GRSF1: variants seen among roughly 807,000 people sequenced by gnomAD.
GRSF1 encodes G-rich RNA sequence binding factor 1.
In GRSF1, 50 loss-of-function variants were observed where a neutral mutation model predicts 51.1. The ratio of observed to expected loss-of-function variants is 0.98; its 90% CI spans 0.78 to 1.24. The LOEUF is 1.24. Ranked by LOEUF, GRSF1 falls within the 50% of genes most tolerant of loss-of-function variation. GRSF1 has a pLI of 0.00. For missense variants in GRSF1, 700 were observed against 639.7 expected, an observed-to-expected ratio of 1.09 and a Z score of -1.02; for synonymous variants, 293 against 253.3, an observed-to-expected ratio of 1.16 and a Z score of -1.49.
rs564626396 is a variant in GRSF1, at chr4:70,821,478, C to T, written c.*26-617G>A. On this transcript the variant is annotated intron_variant, in intron 9 of 9. Coordinates refer to ENST00000254799, the MANE Select transcript of GRSF1 (RefSeq NM_002092.4). ...AAACTTAGCCGGGCATGGTGGCATA[C>T]GCCTGTAGCCCCAGCTACTTCATAG... Among the ~76,000 whole-genome samples, 555 of 151,852 alleles carry T rather than the reference C, an allele frequency of 3.7e-3. 3 individuals are homozygous for T. Among genetic ancestry groups the T allele is most frequent in the African/African-American group, 0.012 (506 of 41,442 alleles).
chr4:70,840,358 A>C (rs886406670), upstream of GRSF1, among the ~76,000 whole-genome samples: 2 of 152,070 alleles, frequency 1.3e-5, no homozygotes, highest in African/African-American at 4.8e-5. Flanking sequence ...ATTCGTAGTG[A>C]CTCATTCTTG....
At chr4:70,829,591 C>T (rs1455206315) in intron 5 of GRSF1, among the ~76,000 whole-genome samples, 1 of 152,112 alleles carries the variant, frequency 6.6e-6, no homozygotes, top group Admixed American at 6.6e-5. Flanking sequence ...GAGGCCACAA[C>T]TGCAGTGAGC....
chr4:70,833,667 A>G lies in GRSF1; in HGVS notation c.515-394T>C, dbSNP rs1280941902. 2.6e-5 allele frequency among the ~76,000 whole-genome samples: 4 copies of G among 152,194 alleles called. No individual in the cohort carries two copies. In the East Asian group the frequency reaches 7.7e-4, roughly 29 times the overall value. On this transcript the variant is annotated intron_variant, in intron 2 of 9. Coordinates refer to ENST00000254799, the MANE Select transcript of GRSF1 (RefSeq NM_002092.4). ...TCTCTAAAATATTTCCTGTATGAGT[A>G]ATTTTATTACCATAGTTTAACTTTT...
rs1222274788 is a variant in GRSF1 at position 70,832,214 on chromosome 4, C to T, written c.814+93G>A. On this transcript the variant is annotated intron_variant, in intron 4 of 9. Transcript: ENST00000254799. ...CTAAAGAACCTAATATAACTGCATG[C>T]CTTTGCCCAGAAACAGGCTCATCTA... is the stretch of plus-strand genomic sequence containing the variant. 18 of 956,860 alleles carry T rather than the reference C, an allele frequency of 1.9e-5. No individual in the cohort carries two copies. In the African/African-American group the frequency reaches 2.8e-4, roughly 15 times the overall value. 59.3% of individuals were successfully genotyped at this position (956,860 alleles called of 1,614,324 possible).
chr4:70,823,809 G>A lies in GRSF1; in HGVS notation c.*25+485C>T, dbSNP rs143863235. 1.5e-4 allele frequency among the ~76,000 whole-genome samples: 23 copies of A among 152,116 alleles called. No individual in the cohort carries two copies. In the East Asian group the frequency reaches 3.7e-3, roughly 24 times the overall value. On this transcript the variant is annotated intron_variant, in intron 9 of 9. Transcript: ENST00000254799. ...CACCTGAGCCCAGAAGGTTGAAGCT[G>A]CAGTGAGCTATGATCGCACCACTGC...
intron 9 of GRSF1, among the ~76,000 whole-genome samples, chr4:70,821,294 G>A (rs943853224): frequency 1.9e-4 from 29 of 151,994 alleles, no homozygotes; most frequent in South Asian, 6.2e-4. Flanking sequence ...GTGTGGTGGC[G>A]CATGCCTGTA....
In GRSF1 at chr4:70,834,741, C is replaced by A. The variant is rs1560601570; in HGVS notation, c.514+1417G>T. Reference sequence around the variant, plus strand: ...GATTCAAGCGATTCTCCTGCCTCAGCCTCCCAGGTAGCTGGGACTACGGGA... The same window carrying A: ...GATTCAAGCGATTCTCCTGCCTCAGACTCCCAGGTAGCTGGGACTACGGGA... On this transcript the variant is annotated intron_variant, in intron 2 of 9. Transcript: ENST00000254799. 2.0e-5 allele frequency among the ~76,000 whole-genome samples: 3 copies of A among 152,276 alleles called. No individual in the cohort carries two copies. The South Asian group carries it at 6.2e-4, about 32-fold the overall frequency.
intron 7 of GRSF1, 176 bp from the exon 8 acceptor site, chr4:70,825,607 A>C (rs1354305431): frequency 7.0e-6 from 3 of 429,124 alleles, no homozygotes; most frequent in Non-Finnish European, 1.2e-5. Context: ...CTGGCTTTTT[A>C]CTTTTTCTCA....
intron 1 of GRSF1, among the ~76,000 whole-genome samples, chr4:70,838,315 G>A (rs1276829597): frequency 6.6e-6 from 1 of 151,236 alleles, no homozygotes; most frequent in African/African-American, 2.4e-5. Flanking sequence ...TATCACCGCA[G>A]TCAATTTCAT....
At chr4:70,838,790 C>T (rs890991614) in intron 1 of GRSF1, 5 of 187,796 alleles carry the variant, frequency 2.7e-5, no homozygotes, top group South Asian at 8.6e-5. Flanking sequence ...TCAACGCTCC[C>T]TCCCATTCAC....
At position 70,816,708 on chromosome 4, in the gene GRSF1, G is replaced by C. The variant is rs1470422861; in HGVS notation, c.*4179C>G. On this transcript the variant is annotated 3_prime_UTR_variant, in exon 10 of 10. Transcript: ENST00000254799. ...CACTATAACTCCAGCCTGGGTGACAGAGCGACTGTCTCAAACACAAAAAAC... is the reference window on the plus strand; with the variant it reads ...CACTATAACTCCAGCCTGGGTGACACAGCGACTGTCTCAAACACAAAAAAC... 1 of 152,208 alleles carries C rather than the reference G, an allele frequency of 6.6e-6. No homozygotes were observed. Among genetic ancestry groups the C allele is most frequent in the Admixed American group, 6.5e-5 (1 of 15,272 alleles). 9.4% of individuals were successfully genotyped at this position (152,208 alleles called of 1,614,324 possible). A position where few individuals can be genotyped will look rare whatever the true frequency, so the allele number is the denominator to read the frequency against.
chr4:70,839,498 G>GGCC lies in GRSF1; in HGVS notation c.327_329dup (p.Ala111dup), dbSNP rs879426877. ...GGCTGTAGCTGCGCGTCGGGACGGC[G>GGCC]GCCGCCGCCGCCAGCGACTGCGGCA... On this transcript the variant is annotated inframe_insertion, in exon 1 of 10. Coordinates refer to ENST00000254799, the MANE Select transcript of GRSF1 (RefSeq NM_002092.4). The GGCC allele has an allele frequency of 2.5e-5, 35 of 1,423,880 alleles. No individual in the cohort carries two copies. Among genetic ancestry groups the GGCC allele is most frequent in the Admixed American group, 9.3e-5 (3 of 32,418 alleles). 88.2% of individuals were successfully genotyped at this position (1,423,880 alleles called of 1,614,324 possible).
At chr4:70,823,595 C>T (rs561860115) in intron 9 of GRSF1, among the ~76,000 whole-genome samples, 4 of 151,258 alleles carry the variant, frequency 2.6e-5, no homozygotes, top group East Asian at 3.9e-4. Flanking sequence ...TGGTGCCAGG[C>T]GGGGTGGCTC....
At chr4:70,828,738 T>G (rs1733833588) in intron 5 of GRSF1, among the ~76,000 whole-genome samples, 1 of 139,240 alleles carries the variant, frequency 7.2e-6, no homozygotes, top group Admixed American at 6.9e-5. Context: ...CACTGCTAAT[T>G]TTTTTTTTTT....
rs1451449683 is a variant in GRSF1, at chr4:70,818,281, C to G, written c.*2606G>C. ...GAACTCCTGACCTCAAGTGACCCACCATGGAGGGTTTTAAATTCTGAAACA... is the reference window on the plus strand; with the variant it reads ...GAACTCCTGACCTCAAGTGACCCACGATGGAGGGTTTTAAATTCTGAAACA... On this transcript the variant is annotated 3_prime_UTR_variant, in exon 10 of 10. Transcript: ENST00000254799. 1 of 152,200 alleles carries G rather than the reference C, an allele frequency of 6.6e-6. No individual in the cohort carries two copies. The highest frequency in any genetic ancestry group is 1.5e-5 in the Non-Finnish European group (1 of 68,056). The allele number at this position is 152,200 out of a possible 1,614,324, so 9.4% of individuals were successfully genotyped here.
At chr4:70,833,054 CT>C in intron 3 of GRSF1, 63 bp downstream of exon 3, 1 of 1,400,488 alleles carries the variant, frequency 7.1e-7, no homozygotes, top group Non-Finnish European at 9.8e-7. Context: ...CAAATAAAAA[CT>C]ACCTTGAAAA....
chr4:70,841,803 CA>C (rs1373988428), upstream of GRSF1, among the ~76,000 whole-genome samples: 1 of 151,978 alleles, frequency 6.6e-6, no homozygotes, highest in African/African-American at 2.4e-5. Flanking sequence ...CCTGGAGTAT[CA>C]AAGAAAAAGG....
At chr4:70,835,769 C>T (rs1734182467) in intron 2 of GRSF1, among the ~76,000 whole-genome samples, 1 of 152,066 alleles carries the variant, frequency 6.6e-6, no homozygotes, top group East Asian at 1.9e-4. Flanking sequence ...CGTTAAAATA[C>T]TTTTGTTGCA....
At chr4:70,829,192 A>T (rs1412564358) in intron 5 of GRSF1, among the ~76,000 whole-genome samples, 1 of 152,124 alleles carries the variant, frequency 6.6e-6, no homozygotes, top group African/African-American at 2.4e-5. Flanking sequence ...CGCCCAGCAC[A>T]GTTTCCTTTT....
Sources: gnomAD v4.1 joint callset for allele counts (sites outside exome capture counted in the v4.1 genomes callset) on GRCh38, gnomAD v4.1.1 for gene constraint, MANE v1.5 for transcripts, NCBI Gene and HGNC (gene_info 2026-07-23, HGNC 2026-07-21) for gene names.